Variants in DDX10 observed in about 807,000 individuals in gnomAD.
DDX10 encodes the protein probable ATP-dependent RNA helicase DDX10.
DDX10 carries 74 observed loss-of-function variants against 104.3 expected under a neutral mutation model. The observed-to-expected ratio is 0.71, with a 90% CI of 0.59 to 0.86. DDX10 has a LOEUF of 0.86. Ranked by LOEUF, DDX10 falls within the 40% of genes least tolerant of loss-of-function variation. The pLI is 0.00. For missense variants in DDX10, 952 were observed against 1,040.0 expected, an observed-to-expected ratio of 0.92 and a Z score of 1.16; for synonymous variants, 351 against 353.4, an observed-to-expected ratio of 0.99 and a Z score of 0.08.
At chr11:108,907,403 T>G (rs1407402910) in intron 16 of DDX10, among the ~76,000 whole-genome samples, 4 of 151,754 alleles carry the variant, frequency 2.6e-5, no homozygotes, top group African/African-American at 9.7e-5. Flanking sequence ...TGGCGTGATC[T>G]CAGCTCACTG....
Position 108,838,448 on chromosome 11 carries a change from G to A in DDX10, c.1968G>A (p.Lys656=), listed in dbSNP as rs1469547507. 2 of 1,609,274 alleles carry A rather than the reference G, an allele frequency of 1.2e-6. No homozygotes were observed. Among genetic ancestry groups the A allele is most frequent in the South Asian group, 2.2e-5 (2 of 90,204 alleles). The change falls in exon 14 of 18, where the codon AAG becomes AAA. Residue 656 remains lysine, a splice_region_variant and synonymous_variant. Coordinates refer to ENST00000322536, the MANE Select transcript of DDX10 (RefSeq NM_004398.4). ...LDLKDEKTLQ[K]KEPSKSSIKK... ...GTTTTTTGTATGTTCTCACACAGAAGAAAGAACCTTCTAAATCCAGCATCA... is the reference window on the plus strand; with the variant it reads ...GTTTTTTGTATGTTCTCACACAGAAAAAAGAACCTTCTAAATCCAGCATCA...
chr11:108,840,804 A>G (rs1386662316), intron 14 of DDX10, among the ~76,000 whole-genome samples: 2 of 152,202 alleles, frequency 1.3e-5, no homozygotes, highest in Non-Finnish European at 2.9e-5. Flanking sequence ...TTGGGCTCCA[A>G]GGATAAATGA....
intron 13 of DDX10, among the ~76,000 whole-genome samples, chr11:108,812,609 GTTGAC>G (rs933139577): frequency 3.0e-4 from 45 of 152,148 alleles, no homozygotes; most frequent in African/African-American, 8.4e-4. Flanking sequence ...TTCTGTAACT[GTTGAC>G]TTGATTGATT....
chr11:108,775,501 A>G (rs1428721911), intron 13 of DDX10, among the ~76,000 whole-genome samples: 4 of 152,218 alleles, frequency 2.6e-5, no homozygotes, highest in African/African-American at 7.2e-5. Context: ...ATGGAGACCT[A>G]TGTGTCTGTT....
chr11:108,908,090 G>A (rs1426009293), intron 16 of DDX10, among the ~76,000 whole-genome samples: 1 of 151,942 alleles, frequency 6.6e-6, no homozygotes, highest in East Asian at 1.9e-4. Context: ...CCTTTTTTGT[G>A]TTCATAATTC....
intron 9 of DDX10, among the ~76,000 whole-genome samples, chr11:108,705,693 A>C (rs977248536): frequency 1.3e-5 from 2 of 152,192 alleles, no homozygotes; most frequent in African/African-American, 4.8e-5. Flanking sequence ...TATAGTATGA[A>C]TCCTGGTGAG....
intron 13 of DDX10, among the ~76,000 whole-genome samples, chr11:108,743,714 T>C (rs2094328022): frequency 6.6e-6 from 1 of 152,146 alleles, no homozygotes; most frequent in Non-Finnish European, 1.5e-5. Context: ...CTAATTACCA[T>C]TGCCAGAAGA....
At chr11:108,871,072 G>A (rs576547147) in intron 16 of DDX10, among the ~76,000 whole-genome samples, 1 of 152,250 alleles carries the variant, frequency 6.6e-6, no homozygotes, top group Admixed American at 6.5e-5. Context: ...AATGTTACTG[G>A]ACCCAGATAG....
chr11:108,678,870 A>ATTTTTT (rs769948315), intron 5 of DDX10, among the ~76,000 whole-genome samples: 2 of 92,710 alleles, frequency 2.2e-5, no homozygotes, highest in Non-Finnish European at 3.8e-5. Flanking sequence ...GTTTCCCCTA[A>ATTTTTT]TTTTTTTTTT....
intron 16 of DDX10, among the ~76,000 whole-genome samples, chr11:108,866,050 A>G (rs934519862): frequency 5.3e-5 from 8 of 152,220 alleles, no homozygotes; most frequent in Non-Finnish European, 2.9e-5. Flanking sequence ...TTGAAGTTGT[A>G]GGTAATAATG....
chr11:108,833,146 C>G (rs187342172), intron 13 of DDX10, among the ~76,000 whole-genome samples: 1 of 152,324 alleles, frequency 6.6e-6, no homozygotes, highest in East Asian at 1.9e-4. Context: ...TTTAGCACAT[C>G]ACTGATGTGC....
At chr11:108,781,592 AAG>A (rs919244902) in intron 13 of DDX10, among the ~76,000 whole-genome samples, 53 of 152,298 alleles carry the variant, frequency 3.5e-4, no homozygotes, top group African/African-American at 1.2e-3. Context: ...GGTAAAAAGA[AAG>A]AGATTTTGTT....
intron 16 of DDX10, among the ~76,000 whole-genome samples, chr11:108,864,192 G>A (rs554367117): frequency 6.0e-4 from 92 of 152,208 alleles, no homozygotes; most frequent in Middle Eastern, 3.4e-3. Flanking sequence ...AGGCAGGTTC[G>A]TTCTCAGATA....
intron 16 of DDX10, among the ~76,000 whole-genome samples, chr11:108,867,933 A>G (rs1863028276): frequency 1.3e-5 from 2 of 152,114 alleles, no homozygotes; most frequent in African/African-American, 4.8e-5. Flanking sequence ...ATAATAACTT[A>G]TAATCTGTCT....
chr11:108,697,122 T>A (rs1220479916), intron 9 of DDX10, among the ~76,000 whole-genome samples: 1 of 152,154 alleles, frequency 6.6e-6, no homozygotes. Context: ...GGTCGTTAAC[T>A]TTTAAAGCAC....
chr11:108,700,818 A>G (rs959403340), intron 9 of DDX10, among the ~76,000 whole-genome samples: 5 of 151,260 alleles, frequency 3.3e-5, no homozygotes, highest in Non-Finnish European at 5.9e-5. Flanking sequence ...TAGCAGTACC[A>G]CTTTGATTTG....
chr11:108,794,936 T>C (rs1309241950), intron 13 of DDX10, among the ~76,000 whole-genome samples: 1 of 151,880 alleles, frequency 6.6e-6, no homozygotes, highest in Non-Finnish European at 1.5e-5. Context: ...CAAGTGATTC[T>C]CCTGCCTTAG....
chr11:108,800,538 C>T (rs144522853), intron 13 of DDX10, among the ~76,000 whole-genome samples: 10 of 151,274 alleles, frequency 6.6e-5, no homozygotes, highest in African/African-American at 2.4e-4. Flanking sequence ...TTTCTTGTTA[C>T]CTGTGTGGGT....
chr11:108,797,460 A>G (rs1861960637), intron 13 of DDX10, among the ~76,000 whole-genome samples: 1 of 152,188 alleles, frequency 6.6e-6, no homozygotes, highest in Non-Finnish European at 1.5e-5. Context: ...CCCAAGCTGC[A>G]GTAGAGATGA....
Sources: allele counts gnomAD v4.1 joint callset (sites outside exome capture counted in the v4.1 genomes callset), GRCh38; gene constraint gnomAD v4.1.1; transcripts MANE v1.5; gene names NCBI Gene and HGNC (gene_info 2026-07-23, HGNC 2026-07-21).